LETM1: variants seen among roughly 807,000 people sequenced by gnomAD.
The protein encoded by LETM1 is leucine zipper and EF-hand containing transmembrane protein 1, also known as mitochondrial proton/calcium exchanger protein.
A neutral mutation model predicts 74.5 loss-of-function variants in LETM1; 50 were observed. The ratio of observed to expected loss-of-function variants is 0.67; its 90% confidence interval spans 0.53 to 0.85. The LOEUF is 0.85. Ranked by LOEUF, LETM1 falls within the 40% of genes least tolerant of loss-of-function variation. LETM1 has a pLI of 0.00. For missense variants in LETM1, 824 were observed against 967.8 expected (o/e 0.85, Z 1.97); for synonymous variants, 446 against 407.1 (o/e 1.10, Z -1.15).
chr4:1,819,350 C>T lies in LETM1; in HGVS notation c.1731G>A (p.Gln577=), dbSNP rs1346328329. The change falls in exon 11 of 14, where the codon CAG becomes CAA. Residue 577 remains glutamine (Q), a synonymous_variant. Transcript: ENST00000302787. ...EELELLKEDV[Q]DYSEDLQEIK... ...AAATCCCACCCACCTCGCTGTAGTCCTGCACATCCTCCTTCAGCAGCTCCA... is the reference window on the plus strand; with the variant it reads ...AAATCCCACCCACCTCGCTGTAGTCTTGCACATCCTCCTTCAGCAGCTCCA... 12 of 1,612,204 alleles carry T rather than the reference C, an allele frequency of 7.4e-6. 1 individual carries two copies. The highest frequency in any genetic ancestry group is 3.3e-5 in the South Asian group (3 of 90,780).
At chr4:1,846,998 C>T (rs1342114295) in intron 2 of LETM1, among the ~76,000 whole-genome samples, 2 of 152,102 alleles carry the variant, frequency 1.3e-5, no homozygotes, top group African/African-American at 4.8e-5. Flanking sequence ...AAATAATAAA[C>T]ATCTGGGAAT....
intron 10 of LETM1, among the ~76,000 whole-genome samples, chr4:1,820,044 C>G (rs1490694361): frequency 6.6e-6 from 1 of 152,200 alleles, no homozygotes; most frequent in African/African-American, 2.4e-5. Context: ...CTCAAGCAAT[C>G]TCCTGCCTCA....
In LETM1 at chr4:1,815,626, G is replaced by T. The variant is rs745740631; in HGVS notation, c.2070+38C>A. The T allele has an allele frequency of 3.1e-6, 5 of 1,610,682 alleles. No individual in the cohort carries two copies. The African/African-American group carries it at 6.7e-5, about 22-fold the overall frequency. On this transcript the variant is annotated intron_variant, in intron 13 of 13. Transcript: ENST00000302787. Reference sequence around the variant, plus strand: ...CCCTGCCCCACCCCACTCCAGAGCAGGTGGCGGATGGCCTGCGTGGTCCCC... The same window carrying T: ...CCCTGCCCCACCCCACTCCAGAGCATGTGGCGGATGGCCTGCGTGGTCCCC...
chr4:1,855,637 G>A (rs1713214756), intron 1 of LETM1, among the ~76,000 whole-genome samples: 2 of 152,226 alleles, frequency 1.3e-5, no homozygotes, highest in South Asian at 2.1e-4. Context: ...AGTGACCCGG[G>A]GGACCCGGCC....
At chr4:1,852,164 C>G (rs1290032921) in intron 1 of LETM1, among the ~76,000 whole-genome samples, 5 of 152,200 alleles carry the variant, frequency 3.3e-5, no homozygotes, top group Admixed American at 6.5e-5. Context: ...CAAGACTGCC[C>G]CCACTCCATG....
intron 6 of LETM1, among the ~76,000 whole-genome samples, chr4:1,829,350 ACCC>A (rs1164643478): frequency 1.1e-4 from 12 of 111,638 alleles, no homozygotes; most frequent in South Asian, 3.0e-4. Flanking sequence ...CGGAGGGCTG[ACCC>A]CCCCACCTCC....
intron 2 of LETM1, among the ~76,000 whole-genome samples, chr4:1,847,868 G>C (rs1444711004): frequency 6.7e-6 from 1 of 149,566 alleles, no homozygotes; most frequent in Non-Finnish European, 1.5e-5. Context: ...TGTGGTGTGC[G>C]CGCCTGTAAT....
At chr4:1,845,633 C>T (rs1422592365) in intron 2 of LETM1, among the ~76,000 whole-genome samples, 1 of 151,494 alleles carries the variant, frequency 6.6e-6, no homozygotes, top group Admixed American at 6.6e-5. Context: ...CTGCAACCTC[C>T]ACCTTCCAGG....
chr4:1,852,715 A>G (rs2108858589), intron 1 of LETM1, among the ~76,000 whole-genome samples: 1 of 152,312 alleles, frequency 6.6e-6, no homozygotes, highest in Admixed American at 6.5e-5. Flanking sequence ...TCAGGAGTTA[A>G]GCCTGAGCAA....
At chr4:1,818,410 G>C (rs201791662) in intron 11 of LETM1, among the ~76,000 whole-genome samples, 1 of 151,816 alleles carries the variant, frequency 6.6e-6, no homozygotes, top group African/African-American at 2.4e-5. Context: ...TCAGGAGTTC[G>C]AGACCAGCCT....
chr4:1,835,062 G>C, intron 4 of LETM1, 80 bp from the exon 5 acceptor site: 1 of 1,376,526 alleles, frequency 7.3e-7, no homozygotes, highest in Non-Finnish European at 1.0e-6. Context: ...GCCTGTGCCC[G>C]ACCCCCACTC....
At chr4:1,822,038 C>T in intron 10 of LETM1, 143 bp downstream of exon 10, 1 of 848,014 alleles carries the variant, frequency 1.2e-6, no homozygotes, top group Admixed American at 3.3e-5. Context: ...CCAGTGGCCT[C>T]ATCCTCAACC....
rs777718881 is a variant in LETM1 at position 1,814,580 on chromosome 4, A to ACGTGGGAAAGGGAGAGACT, written c.2071-8_2071-7insAGTCTCTCCCTTTCCCACG. 7.7e-5 allele frequency: 124 copies of ACGTGGGAAAGGGAGAGACT among 1,612,426 alleles called. No individual in the cohort carries two copies. Among genetic ancestry groups the ACGTGGGAAAGGGAGAGACT allele is most frequent in the Non-Finnish European group, 1.0e-4 (122 of 1,179,166 alleles). On this transcript the variant is annotated splice_region_variant and splice_polypyrimidine_tract_variant and intron_variant, in intron 13 of 13. Coordinates refer to ENST00000302787, the MANE Select transcript of LETM1 (RefSeq NM_012318.3). ...TGTCCACCAGCTCAATCACCTACAC[A>ACGTGGGAAAGGGAGAGACT]CGTGGGAAAGGGAGAGGCTCAGGTG... is the stretch of plus-strand genomic sequence containing the variant.
intron 10 of LETM1, among the ~76,000 whole-genome samples, chr4:1,821,002 A>G (rs1185015116): frequency 6.6e-6 from 1 of 152,200 alleles, no homozygotes; most frequent in Non-Finnish European, 1.5e-5. Flanking sequence ...AGACTGGGCA[A>G]CAGAGTGAGA....
intron 12 of LETM1, 51 bp downstream of exon 12, chr4:1,816,676 C>G: frequency 6.5e-7 from 1 of 1,547,412 alleles, no homozygotes; most frequent in Non-Finnish European, 8.8e-7. Context: ...AAGGGACCAG[C>G]CTCCCTATGT....
chr4:1,831,024 G>A (rs1006952566), intron 6 of LETM1, among the ~76,000 whole-genome samples: 1 of 152,136 alleles, frequency 6.6e-6, no homozygotes, highest in Non-Finnish European at 1.5e-5. Flanking sequence ...CAGCTTTCAT[G>A]GGCCAACCAC....
intron 2 of LETM1, among the ~76,000 whole-genome samples, chr4:1,846,986 G>A (rs1712902428): frequency 6.6e-6 from 1 of 152,260 alleles, no homozygotes; most frequent in South Asian, 2.1e-4. Context: ...AAGAATTAAT[G>A]AAAATAATAA....
intron 2 of LETM1, chr4:1,842,905 C>T (rs1388665306): frequency 1.6e-5 from 4 of 244,200 alleles, no homozygotes; most frequent in South Asian, 7.6e-5. Context: ...CTGACCTGCG[C>T]GAGGCCCATT....
chr4:1,824,275 C>T (rs1052724702), intron 7 of LETM1, among the ~76,000 whole-genome samples: 5 of 152,116 alleles, frequency 3.3e-5, no homozygotes, highest in South Asian at 2.1e-4. Flanking sequence ...AAGCCGAAAT[C>T]GCGCCACTGC....
Sources: allele counts gnomAD v4.1 joint callset (sites outside exome capture counted in the v4.1 genomes callset), GRCh38; gene constraint gnomAD v4.1.1; transcripts MANE v1.5; gene names NCBI Gene and HGNC (gene_info 2026-07-23, HGNC 2026-07-21).